CNTN5: variants seen among roughly 807,000 people sequenced by gnomAD.
CNTN5 encodes contactin-5.
Under a neutral mutation model 129.1 loss-of-function variants are expected in CNTN5, and 77 were observed. That is an observed-to-expected ratio of 0.60 (90% CI 0.50 to 0.72). The LOEUF (loss-of-function observed/expected upper bound fraction) is 0.72, where lower values mean the gene tolerates loss of function less well. Ranked by LOEUF, CNTN5 falls within the 30% of genes least tolerant of loss-of-function variation. CNTN5 has a pLI of 0.00. For synonymous variants in CNTN5, 509 were observed against 465.6 expected (o/e 1.09, Z -1.20); for missense variants, 1,478 against 1,328.8 (o/e 1.11, Z -1.75).
chr11:99,904,930 T>A (rs1345960211), intron 6 of CNTN5, among the ~76,000 whole-genome samples: 1 of 152,246 alleles, frequency 6.6e-6, no homozygotes, highest in African/African-American at 2.4e-5. Context: ...GTCGGCTGCA[T>A]AAATGTCTTC....
chr11:99,571,378 C>T (rs186646158), intron 3 of CNTN5, among the ~76,000 whole-genome samples: 2 of 152,230 alleles, frequency 1.3e-5, no homozygotes, highest in East Asian at 3.9e-4. Context: ...TGCTGTCATG[C>T]TAACAATGAC....
rs1952565039 is a variant in CNTN5, at chr11:100,358,064, A to G, written c.*1844A>G. Reference sequence around the variant, plus strand: ...GCAAAAACAGGGATGCTAATTGTTTAGCTGGCAAAACATGAGCTCTCCCAA... The same window carrying G: ...GCAAAAACAGGGATGCTAATTGTTTGGCTGGCAAAACATGAGCTCTCCCAA... On this transcript the variant is annotated 3_prime_UTR_variant, in exon 25 of 25. Coordinates refer to ENST00000524871, the MANE Select transcript of CNTN5 (RefSeq NM_014361.4). 6.6e-6 allele frequency: 1 copy of G among 151,880 alleles called. No homozygotes were observed. The highest frequency in any genetic ancestry group is 2.1e-4 in the South Asian group (1 of 4,834). The allele number at this position is 151,880 out of a possible 1,614,324, so 9.4% of individuals were successfully genotyped here. A position where few individuals can be genotyped will look rare whatever the true frequency, so the allele number is the denominator to read the frequency against.
chr11:99,728,780 G>T (rs866569023), intron 3 of CNTN5, among the ~76,000 whole-genome samples: 4 of 152,242 alleles, frequency 2.6e-5, no homozygotes, highest in Middle Eastern at 3.4e-3. Flanking sequence ...AAAGTCTGAG[G>T]TCTGAGGAGT....
At chr11:99,635,054 T>G (rs922553276) in intron 3 of CNTN5, among the ~76,000 whole-genome samples, 1 of 152,228 alleles carries the variant, frequency 6.6e-6, no homozygotes, top group Non-Finnish European at 1.5e-5. Context: ...ACACCATTAA[T>G]GTTTATTCCT....
intron 3 of CNTN5, among the ~76,000 whole-genome samples, chr11:99,584,253 A>AAAATTAGCT (rs1323986484): frequency 6.6e-6 from 1 of 152,198 alleles, no homozygotes; most frequent in Non-Finnish European, 1.5e-5. Flanking sequence ...TCAGAGTATT[A>AAAATTAGCT]AAATTAGCTC....
At chr11:99,820,898 A>C (rs181944294) in intron 4 of CNTN5, among the ~76,000 whole-genome samples, 38 of 152,330 alleles carry the variant, frequency 2.5e-4, no homozygotes, top group East Asian at 2.3e-3. Context: ...GGGAATGTCA[A>C]TTATTAGGTT....
At chr11:100,010,372 C>T (rs969544287) in intron 9 of CNTN5, among the ~76,000 whole-genome samples, 2 of 151,912 alleles carry the variant, frequency 1.3e-5, no homozygotes, top group Non-Finnish European at 2.9e-5. Context: ...CAGATGTACC[C>T]CTAGGACCAA....
chr11:99,869,212 C>T (rs1485752798), intron 6 of CNTN5, among the ~76,000 whole-genome samples: 1 of 152,122 alleles, frequency 6.6e-6, no homozygotes, highest in Non-Finnish European at 1.5e-5. Context: ...TTCTCACATA[C>T]ATTTTCATAC....
intron 4 of CNTN5, among the ~76,000 whole-genome samples, chr11:99,824,083 G>A (rs563812865): frequency 2.3e-4 from 35 of 152,002 alleles, no homozygotes; most frequent in African/African-American, 7.7e-4. Context: ...AAATATTTAG[G>A]TTGTTTTAAT....
chr11:99,367,464 C>T (rs1939523998), intron 2 of CNTN5, among the ~76,000 whole-genome samples: 1 of 152,010 alleles, frequency 6.6e-6, no homozygotes, highest in African/African-American at 2.4e-5. Context: ...GTTAAGAGAA[C>T]ACAGTGCTTT....
At chr11:99,990,106 G>A (rs1938969537) in intron 8 of CNTN5, among the ~76,000 whole-genome samples, 1 of 152,006 alleles carries the variant, frequency 6.6e-6, no homozygotes, top group Non-Finnish European at 1.5e-5. Flanking sequence ...TTCATGTTTG[G>A]TAAATATATA....
chr11:99,206,993 C>G (rs943974949), intron 1 of CNTN5, among the ~76,000 whole-genome samples: 6 of 151,964 alleles, frequency 3.9e-5, no homozygotes, highest in African/African-American at 1.2e-4. Context: ...ATTCTCCATA[C>G]CTAAAATAAC....
At chr11:100,335,629 G>C (rs533573656) in intron 21 of CNTN5, among the ~76,000 whole-genome samples, 1 of 152,042 alleles carries the variant, frequency 6.6e-6, no homozygotes, top group Non-Finnish European at 1.5e-5. Context: ...TTAGCCAGGC[G>C]TGGTGGTAGG....
intron 1 of CNTN5, among the ~76,000 whole-genome samples, chr11:99,155,604 T>G (rs1166222188): frequency 6.6e-6 from 1 of 152,148 alleles, no homozygotes; most frequent in African/African-American, 2.4e-5. Flanking sequence ...GTTGATATAC[T>G]GTGGTAACTG....
intron 3 of CNTN5, among the ~76,000 whole-genome samples, chr11:99,601,822 A>G (rs2135706713): frequency 6.6e-6 from 1 of 152,274 alleles, no homozygotes; most frequent in Admixed American, 6.5e-5. Flanking sequence ...AAGACTGTGT[A>G]TGCTTTTTTA....
chr11:99,279,075 A>T (rs529878006), intron 1 of CNTN5, among the ~76,000 whole-genome samples: 1 of 151,920 alleles, frequency 6.6e-6, no homozygotes, highest in East Asian at 1.9e-4. Flanking sequence ...TACTTTGCGA[A>T]GTACTCTATC....
intron 21 of CNTN5, among the ~76,000 whole-genome samples, chr11:100,319,975 T>C (rs1207419632): frequency 6.6e-6 from 1 of 152,262 alleles, no homozygotes; most frequent in Non-Finnish European, 1.5e-5. Flanking sequence ...GGACAAGATA[T>C]GATTCCATAT....
intron 1 of CNTN5, among the ~76,000 whole-genome samples, chr11:99,185,403 G>T (rs985688269): frequency 6.6e-6 from 1 of 151,908 alleles, no homozygotes; most frequent in East Asian, 1.9e-4. Flanking sequence ...TCTCGATTGG[G>T]TGAATCAATG....
intron 9 of CNTN5, among the ~76,000 whole-genome samples, chr11:100,029,820 G>T (rs1941617015): frequency 6.6e-6 from 1 of 152,090 alleles, no homozygotes; most frequent in African/African-American, 2.4e-5. Flanking sequence ...GATTGGGAAT[G>T]AATCTTTACA....
Sources: gnomAD v4.1 joint callset for allele counts (sites outside exome capture counted in the v4.1 genomes callset) on GRCh38, gnomAD v4.1.1 for gene constraint, MANE v1.5 for transcripts, NCBI Gene and HGNC (gene_info 2026-07-23, HGNC 2026-07-21) for gene names.